Variants in DPYD observed in about 807,000 individuals in gnomAD.
The protein encoded by DPYD is dihydropyrimidine dehydrogenase, also known as dihydropyrimidine dehydrogenase [NADP(+)].
DPYD carries 109 observed loss-of-function variants against 116.2 expected under a neutral mutation model. The observed-to-expected ratio is 0.94, with a 90% confidence interval of 0.80 to 1.10. DPYD has a LOEUF of 1.10. Ranked by LOEUF, DPYD falls within the 50% of genes least tolerant of loss-of-function variation. The probability of loss-of-function intolerance (pLI) is 0.00; values close to 1 mark genes in which losing one functional copy is unlikely to be tolerated. For synonymous variants in DPYD, 440 were observed against 432.0 expected (o/e 1.02, Z -0.23); for missense variants, 1,302 against 1,254.5 (o/e 1.04, Z -0.57).
intron 2 of DPYD, among the ~76,000 whole-genome samples, chr1:97,830,950 G>T (rs1440167814): frequency 6.6e-6 from 1 of 152,092 alleles, no homozygotes; most frequent in African/African-American, 2.4e-5. Flanking sequence ...ATGTGGAATG[G>T]GAAACCCAAA....
At chr1:97,565,244 G>A (rs1048991522) in intron 11 of DPYD, among the ~76,000 whole-genome samples, 17 of 152,008 alleles carry the variant, frequency 1.1e-4, no homozygotes, top group African/African-American at 3.4e-4. Flanking sequence ...TCAAAATGTG[G>A]TTGCTTATTT....
At position 97,306,272 on chromosome 1, in the gene DPYD, C is replaced by A. The variant is rs1336020354; in HGVS notation, c.2084G>T (p.Cys695Phe). 1 of 1,612,416 alleles carries A rather than the reference C, an allele frequency of 6.2e-7. No homozygotes were observed. The stretch of plus-strand genomic sequence containing the variant: ...CTGAACAGCTTGCCTAACCCAGCGG[C>A]AGATGTTCCGCACCAGCTCTGGATC... The part of the protein sequence containing the change: ...GQDPELVRNI[C>F]RWVRQAVQIP... Residue 695 changes from cysteine (C) to phenylalanine (F), a missense_variant, in exon 17 of 23, where the codon TGC becomes TTC. Coordinates refer to ENST00000370192, the MANE Select transcript of DPYD (RefSeq NM_000110.4).
chr1:97,886,112 A>T (rs915996464), intron 1 of DPYD, among the ~76,000 whole-genome samples: 1 of 152,098 alleles, frequency 6.6e-6, no homozygotes, highest in Non-Finnish European at 1.5e-5. Context: ...ATACATGAAA[A>T]TCTGCTAAAA....
intron 5 of DPYD, among the ~76,000 whole-genome samples, chr1:97,707,642 T>C (rs966496620): frequency 2.0e-5 from 3 of 152,000 alleles, no homozygotes; most frequent in African/African-American, 7.2e-5. Flanking sequence ...ATAATTTTTG[T>C]TGTTTATAAG....
rs144852272 is a variant in DPYD at position 97,814,357 on chromosome 1, T to G, written c.233+13757A>C. 2.7e-3 allele frequency among the ~76,000 whole-genome samples: 418 copies of G among 152,230 alleles called. 2 individuals are homozygous for G. The highest frequency in any genetic ancestry group is 9.0e-3 in the African/African-American group (372 of 41,546). On this transcript the variant is annotated intron_variant, in intron 3 of 22. Transcript: ENST00000370192. ...AATTTGTCATTTATTCTAAGTAAAA[T>G]AGCAAGCCTTTGGAGAGAAAGGTCA...
In DPYD at chr1:97,599,142, G is replaced by A. The variant is rs575865517; in HGVS notation, c.851-3976C>T. The stretch of plus-strand genomic sequence containing the variant: ...CTTCTCTTGTCAGCATTTTTGTTTT[G>A]TGATTATTTTCTCCAGTACAATCCC... On this transcript the variant is annotated intron_variant, in intron 8 of 22. Coordinates refer to ENST00000370192, the MANE Select transcript of DPYD (RefSeq NM_000110.4). Among the ~76,000 whole-genome samples, 26 of 152,274 alleles carry A rather than the reference G, an allele frequency of 1.7e-4. No individual in the cohort carries two copies. In the South Asian group the frequency reaches 5.2e-3, roughly 30 times the overall value.
At chr1:97,221,509 A>C (rs1660768681) in intron 19 of DPYD, among the ~76,000 whole-genome samples, 1 of 152,080 alleles carries the variant, frequency 6.6e-6, no homozygotes, top group Non-Finnish European at 1.5e-5. Flanking sequence ...GAAAAAATAG[A>C]AGATAATATT....
intron 12 of DPYD, chr1:97,546,365 T>G: frequency 7.0e-7 from 1 of 1,430,528 alleles, no homozygotes; most frequent in Non-Finnish European, 9.9e-7. Flanking sequence ...GAAGCTGCAG[T>G]AAAGGAAGAT....
intron 10 of DPYD, among the ~76,000 whole-genome samples, chr1:97,588,612 C>G (rs912936986): frequency 3.3e-5 from 5 of 152,224 alleles, no homozygotes; most frequent in African/African-American, 9.6e-5. Flanking sequence ...TTTAATCTCA[C>G]CTATTTAAGC....
intron 20 of DPYD, among the ~76,000 whole-genome samples, chr1:97,133,871 C>T (rs1233342851): frequency 1.3e-5 from 2 of 150,144 alleles, no homozygotes; most frequent in East Asian, 2.0e-4. Context: ...TTACGGCATG[C>T]GCCTGTAGTC....
At chr1:97,518,271 C>G (rs1488246591) in intron 12 of DPYD, among the ~76,000 whole-genome samples, 2 of 151,950 alleles carry the variant, frequency 1.3e-5, no homozygotes, top group African/African-American at 4.8e-5. Context: ...AAAAGTGCTA[C>G]TATGTATATG....
Position 97,791,944 on chromosome 1 carries a change from G to A in DPYD, c.233+36170C>T, listed in dbSNP as rs1030934337. On this transcript the variant is annotated intron_variant, in intron 3 of 22. Transcript: ENST00000370192. ...AATATTGTCAATATCCTATTGCTCTGCGAAGCAGAGTGCTCATAATATTTT... is the reference window on the plus strand; with the variant it reads ...AATATTGTCAATATCCTATTGCTCTACGAAGCAGAGTGCTCATAATATTTT... Among the ~76,000 whole-genome samples, 8 of 152,318 alleles carry A rather than the reference G, an allele frequency of 5.3e-5. No homozygotes were observed. In the South Asian group the frequency reaches 1.0e-3, roughly 20 times the overall value.
intron 10 of DPYD, among the ~76,000 whole-genome samples, chr1:97,578,088 C>T (rs913129866): frequency 6.6e-6 from 1 of 151,994 alleles, no homozygotes; most frequent in African/African-American, 2.4e-5. Flanking sequence ...TCAAGTGTTC[C>T]GCCCACCTCA....
At chr1:97,566,777 C>A (rs1237426734) in intron 11 of DPYD, among the ~76,000 whole-genome samples, 1 of 152,000 alleles carries the variant, frequency 6.6e-6, no homozygotes, top group Non-Finnish European at 1.5e-5. Flanking sequence ...AAAATTTTGC[C>A]ACCAGTAGCT....
intron 13 of DPYD, among the ~76,000 whole-genome samples, chr1:97,475,756 G>A (rs1328846647): frequency 6.6e-6 from 1 of 152,140 alleles, no homozygotes; most frequent in Non-Finnish European, 1.5e-5. Flanking sequence ...TTTGGCCTGT[G>A]CACCTTGGTT....
chr1:97,471,287 C>T (rs1423895465), intron 13 of DPYD, among the ~76,000 whole-genome samples: 1 of 151,664 alleles, frequency 6.6e-6, no homozygotes, highest in Non-Finnish European at 1.5e-5. Context: ...GATGGGGGTC[C>T]CAGGACAGGG....
chr1:97,242,773 G>C (rs1570744322), intron 18 of DPYD, among the ~76,000 whole-genome samples: 1 of 151,532 alleles, frequency 6.6e-6, no homozygotes, highest in Non-Finnish European at 1.5e-5. Flanking sequence ...ACATTACAAA[G>C]AACATGTTTG....
chr1:97,243,348 T>C (rs758669295), intron 18 of DPYD, among the ~76,000 whole-genome samples: 49 of 152,134 alleles, frequency 3.2e-4, no homozygotes, highest in Admixed American at 7.2e-4. Flanking sequence ...AATTGACAGA[T>C]AGTTTCCTAT....
chr1:97,131,826 A>C (rs1462717342), intron 20 of DPYD, among the ~76,000 whole-genome samples: 1 of 152,198 alleles, frequency 6.6e-6, no homozygotes, highest in Non-Finnish European at 1.5e-5. Context: ...AATGAAGAAA[A>C]AAAGATCATT....
Sources: allele counts gnomAD v4.1 joint callset (sites outside exome capture counted in the v4.1 genomes callset), GRCh38; gene constraint gnomAD v4.1.1; transcripts MANE v1.5; gene names NCBI Gene and HGNC (gene_info 2026-07-23, HGNC 2026-07-21).